Variants in TRIM51 observed in about 807,000 individuals in gnomAD.
TRIM51 encodes tripartite motif-containing protein 51.
TRIM51 carries 23 observed loss-of-function variants against 32.7 expected under a neutral mutation model. The ratio of observed to expected loss-of-function variants is 0.70; its 90% CI spans 0.51 to 1.00. The LOEUF (loss-of-function observed/expected upper bound fraction) is 1.00. Among genes scored for constraint, TRIM51 ranks in the 50% least tolerant of loss-of-function variants. The pLI is 0.00. For missense variants in TRIM51, 592 were observed against 539.2 expected (o/e 1.10, Z -0.97); for synonymous variants, 177 against 181.9 (o/e 0.97, Z 0.22).
rs939562541 is a variant in TRIM51, at chr11:55,886,211, G to A, written c.500G>A (p.Cys167Tyr). The change falls in exon 3 of 7, where the codon TGC becomes TAC. Residue 167 changes from cysteine (C) to tyrosine (Y), a missense_variant. Transcript: ENST00000449290. ...AACATGGAAACCACAAGAACCAGAT[G>A]CTGGAAGGTTAGTACCGTATGACTC... ...NLNMETTRTR[C>Y]WKDYVSLRIE... 21 of 1,613,198 alleles carry A rather than the reference G, an allele frequency of 1.3e-5. No homozygotes were observed. The highest frequency in any genetic ancestry group is 1.6e-5 in the Non-Finnish European group (19 of 1,179,340).
rs1854535407 is a variant in TRIM51 at position 55,883,386 on chromosome 11, T to A, written c.-5+2T>A. The A allele has an allele frequency of 6.6e-6, 1 of 152,198 alleles. No homozygotes were observed. The highest frequency in any genetic ancestry group is 2.4e-5 in the African/African-American group (1 of 41,458). The allele number at this position is 152,198 out of a possible 1,614,324, so 9.4% of individuals were successfully genotyped here. A position where few individuals can be genotyped will look rare whatever the true frequency, so the allele number is the denominator to read the frequency against. ...AGGAAACATTCATAGAACCTTGGGG[T>A]GAGTGCAACTTCTATGGAGAAAATT... On this transcript the variant is annotated splice_donor_variant, in intron 1 of 6. Transcript: ENST00000449290. LOFTEE classifies it low-confidence loss of function (5UTR_SPLICE).
chr11:55,885,817 A>C lies in TRIM51; in HGVS notation c.389A>C (p.Glu130Ala). ...EHRNHIHCPI[E>A]WAAEERREEL... is the part of the protein sequence containing the mutation. ...CGGAATCACATACACTGTCCCATTG[A>C]GTGGGCTGCTGAGGAACGCCGGGTA... Residue 130 changes from glutamate (E) to alanine (A), a missense_variant, in exon 2 of 7, where the codon GAG (glutamate) becomes GCG (alanine). Coordinates refer to ENST00000449290, the MANE Select transcript of TRIM51 (RefSeq NM_032681.4). 1 of 1,611,730 alleles carries C rather than the reference A, an allele frequency of 6.2e-7. No individual in the cohort carries two copies. Among genetic ancestry groups the C allele is most frequent in the Non-Finnish European group, 8.5e-7 (1 of 1,179,684 alleles).
intron 1 of TRIM51, among the ~76,000 whole-genome samples, chr11:55,883,652 A>G (rs770823573): frequency 9.2e-5 from 14 of 152,178 alleles, no homozygotes; most frequent in Non-Finnish European, 1.6e-4. Flanking sequence ...TATGGAATTC[A>G]TATTAAAACA....
In TRIM51 at chr11:55,891,383, G is replaced by C. The variant is rs746094418; in HGVS notation, c.1110G>C (p.Lys370Asn). 3.1e-5 allele frequency: 50 copies of C among 1,612,146 alleles called. No homozygotes were observed. Among genetic ancestry groups the C allele is most frequent in the Non-Finnish European group, 4.2e-5 (49 of 1,179,754 alleles). Residue 370 changes from lysine (K) to asparagine (N), a missense_variant, in exon 7 of 7, where the codon AAG (lysine) becomes AAC (asparagine). Coordinates refer to ENST00000449290, the MANE Select transcript of TRIM51 (RefSeq NM_032681.4). ...GGAAAGAGAAGAGACAGAATGACAA[G>C]ATAGATGGAGAGGAGGGACTCTTTC... is the stretch of plus-strand genomic sequence containing the variant. ...NYWKEKRQND[K>N]IDGEEGLFLL...
In TRIM51 at chr11:55,885,650, T is replaced by C. The variant is rs770964328; in HGVS notation, c.222T>C (p.Ala74=). 3 of 1,610,800 alleles carry C rather than the reference T, an allele frequency of 1.9e-6. No homozygotes were observed. The South Asian group carries it at 3.3e-5, about 18-fold the overall frequency. Residue 74 remains alanine (A), a synonymous_variant, in exon 2 of 7, where the codon GCT becomes GCC. Coordinates refer to ENST00000449290, the MANE Select transcript of TRIM51 (RefSeq NM_032681.4). ...LNTDICLKNM[A]FIARKASLRQ... is the part of the protein sequence containing the mutation. ...CTGACATTTGTTTGAAGAACATGGC[T>C]TTCATTGCCAGAAAAGCCAGCCTCC...
Position 55,891,364 on chromosome 11 carries a change from A to G in TRIM51, c.1091A>G (p.Glu364Gly). 6.2e-7 allele frequency: 1 copy of G among 1,612,170 alleles called. No individual in the cohort carries two copies. Among genetic ancestry groups the G allele is most frequent in the Non-Finnish European group, 8.5e-7 (1 of 1,179,756 alleles). ...GGTGTCTGTAACAATTATTGGAAAG[A>G]GAAGAGACAGAATGACAAGATAGAT... ...AFGVCNNYWK[E>G]KRQNDKIDGE... The change falls in exon 7 of 7, where the codon GAG becomes GGG. Residue 364 changes from glutamate (E) to glycine (G), a missense_variant. Coordinates refer to ENST00000449290, the MANE Select transcript of TRIM51 (RefSeq NM_032681.4).
intron 3 of TRIM51, among the ~76,000 whole-genome samples, chr11:55,887,214 T>C (rs911050680): frequency 1.3e-5 from 2 of 151,646 alleles, no homozygotes; most frequent in African/African-American, 4.8e-5. Flanking sequence ...TGAAACAAAA[T>C]CTTGATCAGG....
In TRIM51 at chr11:55,885,573, C is replaced by T. The variant is rs1440249613; in HGVS notation, c.145C>T (p.Leu49Phe). 2 of 1,611,766 alleles carry T rather than the reference C, an allele frequency of 1.2e-6. No individual in the cohort carries two copies. Among genetic ancestry groups the T allele is most frequent in the African/African-American group, 1.3e-5 (1 of 74,856 alleles). The change falls in exon 2 of 7, where the codon CTT (leucine) becomes TTT (phenylalanine). Residue 49 changes from leucine to phenylalanine, a missense_variant. By Grantham distance (22) the Leu-to-Phe change is conservative (BLOSUM62 0). Transcript: ENST00000449290. ...LYLNWQDTAVLAQCSECKKTT... is the reference protein window; with the variant it reads ...LYLNWQDTAVFAQCSECKKTT... ...CCTCAACTGGCAAGACACGGCAGTT[C>T]TTGCTCAGTGCTCTGAATGCAAGAA...
chr11:55,888,812 A>G (rs1854609848), intron 4 of TRIM51, among the ~76,000 whole-genome samples, 167 bp from the exon 5 acceptor site: 2 of 152,164 alleles, frequency 1.3e-5, no homozygotes, highest in South Asian at 2.1e-4. Context: ...TTCATGACAT[A>G]TGATAGACTG....
chr11:55,890,626 C>T (rs1296464119), intron 6 of TRIM51, among the ~76,000 whole-genome samples: 1 of 152,114 alleles, frequency 6.6e-6, no homozygotes, highest in East Asian at 1.9e-4. Flanking sequence ...CTAGAGCTAG[C>T]ACGGATGTCC....
At position 55,883,312 on chromosome 11, in the gene TRIM51, C is replaced by T. The variant is rs1854534200; in HGVS notation, c.-77C>T. 6.6e-6 allele frequency: 1 copy of T among 152,154 alleles called. No individual in the cohort carries two copies. Among genetic ancestry groups the T allele is most frequent in the Non-Finnish European group, 1.5e-5 (1 of 68,020 alleles). The allele number at this position is 152,154 out of a possible 1,614,324, so 9.4% of individuals were successfully genotyped here. ...AGTCAACTCTGCAGGGAATGAGCTC[C>T]TGATCTTGGGGAGTACTTAAAAGAA... On this transcript the variant is annotated 5_prime_UTR_variant, in exon 1 of 7. Coordinates refer to ENST00000449290, the MANE Select transcript of TRIM51 (RefSeq NM_032681.4).
chr11:55,884,182 T>TATAC lies in TRIM51; in HGVS notation c.-5+799_-5+800insTACA, dbSNP rs1458218535. 4.7e-3 allele frequency among the ~76,000 whole-genome samples: 514 copies of TATAC among 110,256 alleles called. 16 individuals are homozygous for TATAC. The highest frequency in any genetic ancestry group is 7.3e-3 in the Non-Finnish European group (390 of 53,684). The allele number at this position is 110,256 out of a possible 152,430, so 72.3% of individuals were successfully genotyped here. A position where few individuals can be genotyped will look rare whatever the true frequency, so the allele number is the denominator to read the frequency against. On this transcript the variant is annotated intron_variant, in intron 1 of 6. Transcript: ENST00000449290. ...CTATATATATATATATATATATATATACACATACCAAAAATACTTACAATT... is the reference window on the plus strand; with the variant it reads ...CTATATATATATATATATATATATATATACACACATACCAAAAATACTTACAATT...
chr11:55,884,468 C>T (rs1290282973), intron 1 of TRIM51, among the ~76,000 whole-genome samples: 2 of 147,064 alleles, frequency 1.4e-5, no homozygotes, highest in Non-Finnish European at 3.1e-5. Context: ...AAGGTAGTGT[C>T]CTGGAGATAC....
At position 55,885,500 on chromosome 11, in the gene TRIM51, C is replaced by G. The variant is rs1590632077; in HGVS notation, c.72C>G (p.Asp24Glu). The change falls in exon 2 of 7, where the codon GAC becomes GAG. Residue 24 changes from aspartate (D) to glutamate (E), a missense_variant. Coordinates refer to ENST00000449290, the MANE Select transcript of TRIM51 (RefSeq NM_032681.4). Reference protein sequence around the residue: ...TCPICMNYFLDPVTIDCGHSF... With the variant: ...TCPICMNYFLEPVTIDCGHSF... The stretch of plus-strand genomic sequence containing the variant: ...CCATCTGCATGAACTACTTCCTAGA[C>G]CCAGTCACCATAGACTGTGGGCACA... The G allele has an allele frequency of 6.2e-7, 1 of 1,611,998 alleles. No homozygotes were observed. The highest frequency in any genetic ancestry group is 1.1e-5 in the South Asian group (1 of 90,992).
At chr11:55,890,793 G>A (rs539756304) in intron 6 of TRIM51, among the ~76,000 whole-genome samples, 28 of 152,122 alleles carry the variant, frequency 1.8e-4, no homozygotes, top group Non-Finnish European at 1.8e-4. Flanking sequence ...TTAAGAACAA[G>A]AAATATTTTA....
chr11:55,889,185 C>T (rs1366199279), intron 5 of TRIM51, among the ~76,000 whole-genome samples, 184 bp downstream of exon 5: 1 of 151,130 alleles, frequency 6.6e-6, no homozygotes, highest in African/African-American at 2.4e-5. Context: ...TATTAAGCAG[C>T]TCAATGAAAG....
chr11:55,885,593 C>A lies in TRIM51; in HGVS notation c.165C>A (p.Cys55Ter). 6.2e-7 allele frequency: 1 copy of A among 1,611,628 alleles called. No individual in the cohort carries two copies. The highest frequency in any genetic ancestry group is 8.5e-7 in the Non-Finnish European group (1 of 1,179,642). Residue 55 changes from cysteine to a stop codon, truncating the protein, a stop_gained, in exon 2 of 7, where the codon TGC becomes TGA. Transcript: ENST00000449290. LOFTEE classifies it high-confidence loss of function. ...DTAVLAQCSE[C>*]KKTTRQRNLN... ...CAGTTCTTGCTCAGTGCTCTGAATG[C>A]AAGAAGACAACGCGGCAGAGAAACC... is the stretch of plus-strand genomic sequence containing the variant.
intron 5 of TRIM51, 103 bp downstream of exon 5, chr11:55,889,104 T>C: frequency 9.6e-7 from 1 of 1,037,608 alleles, no homozygotes; most frequent in South Asian, 1.3e-5. Flanking sequence ...TGATACTGCC[T>C]TGTGCTGGTT....
At position 55,888,046 on chromosome 11, in the gene TRIM51, A is replaced by G; in HGVS notation, c.522A>G (p.Leu174=). ...RTRCWKDYVS[L]RIEAIRAEYQ... ...TGTCACTGCAGGATTATGTGAGTTT[A>G]AGGATAGAAGCAATCAGAGCTGAAT... Residue 174 remains leucine (L), a synonymous_variant, in exon 4 of 7, where the codon TTA becomes TTG. Coordinates refer to ENST00000449290, the MANE Select transcript of TRIM51 (RefSeq NM_032681.4). The G allele has an allele frequency of 6.2e-7, 1 of 1,602,568 alleles. No individual in the cohort carries two copies. The highest frequency in any genetic ancestry group is 8.5e-7 in the Non-Finnish European group (1 of 1,169,682).
Sources: gnomAD v4.1 joint callset for allele counts (sites outside exome capture counted in the v4.1 genomes callset) on GRCh38, gnomAD v4.1.1 for gene constraint, MANE v1.5 for transcripts, NCBI Gene and HGNC (gene_info 2026-07-23, HGNC 2026-07-21) for gene names.